The following PTCHD4 variants were observed in gnomAD, a reference collection of about 807,000 sequenced individuals.
The protein encoded by PTCHD4 is patched domain containing 4, also known as patched domain-containing protein 4.
PTCHD4 carries 33 observed loss-of-function variants against 58.1 expected under a neutral mutation model. The observed-to-expected ratio is 0.57, with a 90% CI of 0.43 to 0.76. PTCHD4 has a LOEUF of 0.76. Among genes scored for constraint, PTCHD4 ranks in the 30% least tolerant of loss-of-function variants. The pLI, the probability that PTCHD4 is intolerant of heterozygous loss-of-function variation, is 0.00. For synonymous variants in PTCHD4, 478 were observed against 409.6 expected (o/e 1.17, Z -2.02); for missense variants, 1,058 against 1,027.1 (o/e 1.03, Z -0.41).
chr6:47,900,336 T>C (rs1378483969), intron 4 of PTCHD4: 2 of 152,260 alleles, frequency 1.3e-5, no homozygotes, highest in African/African-American at 4.8e-5. Context: ...TATGATGTGC[T>C]CAATGTGGTT....
intron 4 of PTCHD4, among the ~76,000 whole-genome samples, chr6:47,913,410 C>A (rs1765129526): frequency 6.6e-6 from 1 of 151,974 alleles, no homozygotes; most frequent in African/African-American, 2.4e-5. Flanking sequence ...CAATCCCAAT[C>A]CTCATTTCCA....
At chr6:47,980,369 C>T (rs1037851220) in intron 4 of PTCHD4, among the ~76,000 whole-genome samples, 4 of 146,724 alleles carry the variant, frequency 2.7e-5, no homozygotes, top group Non-Finnish European at 4.6e-5. Context: ...CTCATTGCTT[C>T]TTCATACCTT....
intron 1 of PTCHD4, among the ~76,000 whole-genome samples, chr6:48,072,476 C>T (rs991819190): frequency 6.6e-6 from 1 of 152,142 alleles, no homozygotes; most frequent in African/African-American, 2.4e-5. Context: ...CCTGGTACTA[C>T]AAAATGCTGC....
intron 4 of PTCHD4, among the ~76,000 whole-genome samples, chr6:47,960,798 GA>G (rs1561979270): frequency 6.6e-6 from 1 of 151,232 alleles, no homozygotes; most frequent in Non-Finnish European, 1.5e-5. Context: ...ATATATGAAA[GA>G]AAAAAAGAAC....
At chr6:48,098,602 G>C (rs949013411) in intron 1 of PTCHD4, among the ~76,000 whole-genome samples, 1 of 152,164 alleles carries the variant, frequency 6.6e-6, no homozygotes, top group Admixed American at 6.5e-5. Flanking sequence ...GCCTCCCAAA[G>C]TGCTGGGATT....
chr6:47,863,972 C>G lies in PTCHD4; in HGVS notation c.*14331G>C, dbSNP rs747852008. On this transcript the variant is annotated 3_prime_UTR_variant, in exon 5 of 5. Coordinates refer to ENST00000339488, the MANE Select transcript of PTCHD4 (RefSeq NM_001384253.1). ...GTCTTTGCACTCTTCAACTATGCAG[C>G]CTTTCAGGCCTAGTGGTGAGAAGCT... 3.3e-5 allele frequency among the ~76,000 whole-genome samples: 5 copies of G among 151,954 alleles called. No homozygotes were observed. Among genetic ancestry groups the G allele is most frequent in the East Asian group, 1.9e-4 (1 of 5,156 alleles).
chr6:47,942,644 A>T (rs1766276342), intron 4 of PTCHD4, among the ~76,000 whole-genome samples: 1 of 152,164 alleles, frequency 6.6e-6, no homozygotes, highest in Non-Finnish European at 1.5e-5. Context: ...CTCAAAAAGC[A>T]AACAACAACA....
At chr6:48,051,616 C>A (rs1454622297) in intron 3 of PTCHD4, among the ~76,000 whole-genome samples, 1 of 151,828 alleles carries the variant, frequency 6.6e-6, no homozygotes, top group East Asian at 1.9e-4. Flanking sequence ...ATAAAATTTT[C>A]CTGCTTTGTA....
intron 3 of PTCHD4, among the ~76,000 whole-genome samples, chr6:48,066,410 T>C (rs1200626406): frequency 6.6e-6 from 1 of 152,216 alleles, no homozygotes; most frequent in East Asian, 1.9e-4. Context: ...CAATAATGCA[T>C]ACTAATGAAC....
rs190621602 is a variant in PTCHD4, at chr6:47,923,800, T to C, written c.899-43864A>G. Among the ~76,000 whole-genome samples, 8 of 152,328 alleles carry C rather than the reference T, an allele frequency of 5.3e-5. No individual in the cohort carries two copies. In the East Asian group the frequency reaches 1.2e-3, roughly 22 times the overall value. ...GAACATGTAAGAATGCTTAGTTGCA[T>C]AGGTTAAATAGGTTATCTGGAGTCA... On this transcript the variant is annotated intron_variant, in intron 4 of 4. Coordinates refer to ENST00000339488, the MANE Select transcript of PTCHD4 (RefSeq NM_001384253.1).
chr6:48,076,954 T>C (rs867419735), intron 1 of PTCHD4, among the ~76,000 whole-genome samples: 41 of 152,202 alleles, frequency 2.7e-4, no homozygotes, highest in African/African-American at 9.2e-4. Flanking sequence ...CGCATACTAT[T>C]AAGTTAGGTT....
intron 4 of PTCHD4, among the ~76,000 whole-genome samples, chr6:47,931,357 T>C (rs529973244): frequency 6.6e-6 from 1 of 152,360 alleles, no homozygotes; most frequent in Admixed American, 6.5e-5. Flanking sequence ...ATATGTGTAC[T>C]TGGCACTTTT....
intron 1 of PTCHD4, among the ~76,000 whole-genome samples, chr6:48,102,321 A>G (rs1159439484): frequency 6.6e-6 from 1 of 152,246 alleles, no homozygotes; most frequent in Non-Finnish European, 1.5e-5. Context: ...ACAGTTGCCT[A>G]AAGTCTTACA....
intron 1 of PTCHD4, among the ~76,000 whole-genome samples, chr6:48,092,942 C>T (rs958151877): frequency 6.6e-6 from 1 of 152,316 alleles, no homozygotes; most frequent in East Asian, 1.9e-4. Context: ...GCTCTCCACT[C>T]ACTATGATTT....
intron 4 of PTCHD4, among the ~76,000 whole-genome samples, chr6:47,970,780 T>C (rs969761804): frequency 5.3e-5 from 8 of 152,198 alleles, no homozygotes; most frequent in African/African-American, 1.9e-4. Flanking sequence ...TGGTTCTTGA[T>C]TGTGGCCTCA....
At chr6:48,001,434 G>A (rs189290012) in intron 4 of PTCHD4, among the ~76,000 whole-genome samples, 1 of 152,260 alleles carries the variant, frequency 6.6e-6, no homozygotes, top group African/African-American at 2.4e-5. Context: ...GAACAGAACA[G>A]ATCCCTCAGA....
At chr6:47,960,686 C>T (rs961639200) in intron 4 of PTCHD4, among the ~76,000 whole-genome samples, 1 of 151,534 alleles carries the variant, frequency 6.6e-6, no homozygotes, top group Non-Finnish European at 1.5e-5. Flanking sequence ...ATAACTAGAT[C>T]CTAATGAAAC....
intron 4 of PTCHD4, among the ~76,000 whole-genome samples, chr6:47,978,076 C>A (rs984415293): frequency 1.3e-5 from 2 of 152,144 alleles, no homozygotes; most frequent in African/African-American, 2.4e-5. Flanking sequence ...ATAATCCTTA[C>A]TGCTTCCCTA....
intron 3 of PTCHD4, among the ~76,000 whole-genome samples, chr6:48,054,055 C>T (rs1007154931): frequency 2.0e-5 from 3 of 152,072 alleles, no homozygotes; most frequent in Non-Finnish European, 2.9e-5. Context: ...TTCTCAATTT[C>T]GCTATCCACT....
Sources: allele counts gnomAD v4.1 joint callset (sites outside exome capture counted in the v4.1 genomes callset), GRCh38; gene constraint gnomAD v4.1.1; transcripts MANE v1.5; gene names NCBI Gene and HGNC (gene_info 2026-07-23, HGNC 2026-07-21).